TRIM14: variants seen among roughly 807,000 people sequenced by gnomAD.
TRIM14 encodes the protein tripartite motif containing 14.
A neutral mutation model predicts 44.5 loss-of-function variants in TRIM14; 28 were observed. The observed-to-expected ratio is 0.63, with a 90% CI of 0.47 to 0.86. TRIM14 has a LOEUF of 0.86. TRIM14 is among the 40% of genes least tolerant of loss of function. The pLI, the probability that TRIM14 is intolerant of heterozygous loss-of-function variation, is 0.00. For missense variants in TRIM14, 607 were observed against 611.1 expected (o/e 0.99, Z 0.07); for synonymous variants, 299 against 269.2 (o/e 1.11, Z -1.08).
the TRIM14 span, among the ~76,000 whole-genome samples, chr9:98,063,345 T>G: frequency 0.02 from 2,996 of 152,158 alleles, 106 homozygotes; most frequent in African/African-American, 0.069. Flanking sequence ...AGGTTCAAGT[T>G]ATTCTCATGG....
chr9:98,090,164 C>G (rs907247914), intron 5 of TRIM14, among the ~76,000 whole-genome samples: 4 of 152,022 alleles, frequency 2.6e-5, no homozygotes, highest in Non-Finnish European at 4.4e-5. Context: ...GAATAAAGAT[C>G]GGGGAAATGA....
Position 98,070,371 on chromosome 9 carries a change from G to A in TRIM14, c.*29-684C>T, listed in dbSNP as rs189867989. On this transcript the variant is annotated intron_variant, in intron 6 of 6. Coordinates refer to the TRIM14 transcript ENST00000375098. ...GACCTCAGGTGATCTGCCTGCCTCA[G>A]CCTCCCAAAGTGCTGGGATTGCAGG... Among the ~76,000 whole-genome samples, 28 of 152,008 alleles carry A rather than the reference G, an allele frequency of 1.8e-4. 1 individual carries two copies. The East Asian group carries it at 4.7e-3, about 25-fold the overall frequency.
intron 1 of TRIM14, among the ~76,000 whole-genome samples, chr9:98,112,755 G>A (rs371320044): frequency 4.0e-4 from 56 of 139,156 alleles, no homozygotes; most frequent in African/African-American, 1.4e-3. Context: ...CAGAGATTGC[G>A]CCATTGCACT....
intron 5 of TRIM14, among the ~76,000 whole-genome samples, chr9:98,090,200 C>T (rs1825944654): frequency 6.6e-6 from 1 of 152,152 alleles, no homozygotes; most frequent in Non-Finnish European, 1.5e-5. Context: ...AGGTGACATG[C>T]TTATTTACAC....
the TRIM14 span, among the ~76,000 whole-genome samples, chr9:98,049,984 T>C: frequency 1.3e-5 from 2 of 152,194 alleles, no homozygotes; most frequent in Admixed American, 6.5e-5. Flanking sequence ...GAGACTCCAG[T>C]GCAGCTTTGT....
Position 98,095,178 on chromosome 9 carries a change from G to T in TRIM14, c.538-149C>A. On this transcript the variant is annotated intron_variant, in intron 3 of 5. Coordinates refer to ENST00000341469, the MANE Select transcript of TRIM14 (RefSeq NM_014788.4). The surrounding 1 kb of genome is among the most constrained non-coding windows in gnomAD (Gnocchi z 4.1). ...TGGTCAGCCCAGGCCATGCCTGCAG[G>T]AGCAGAGCCCTGGAGAGACCATACG... 2 of 1,027,850 alleles carry T rather than the reference G, an allele frequency of 1.9e-6. No individual in the cohort carries two copies. The highest frequency in any genetic ancestry group is 2.8e-6 in the Non-Finnish European group (2 of 726,032). The allele number at this position is 1,027,850 out of a possible 1,614,324, so 63.7% of individuals were successfully genotyped here.
Position 98,095,710 on chromosome 9 carries a change from C to G in TRIM14, c.538-681G>C, listed in dbSNP as rs143502760. Among the ~76,000 whole-genome samples, 200 of 152,302 alleles carry G rather than the reference C, an allele frequency of 1.3e-3. No individual in the cohort carries two copies. Among genetic ancestry groups the G allele is most frequent in the African/African-American group, 4.6e-3 (192 of 41,576 alleles). ...CTGCAGGAGTGTGACCAGACGCCTC[C>G]AAGCCAAAGCGTGGATTTGGAAATG... On this transcript the variant is annotated intron_variant, in intron 3 of 5. Transcript: ENST00000341469. This position sits in a 1 kb window ranked among gnomAD's most constrained non-coding sequence, Gnocchi z 4.1.
At chr9:98,077,929 G>C (rs1829663255) in intron 6 of TRIM14, 1 of 495,996 alleles carries the variant, frequency 2.0e-6, no homozygotes, top group Admixed American at 3.4e-5. Context: ...TTTTCCTCTT[G>C]GCAGTGTGAA....
chr9:98,101,003 G>T (rs1459464860), intron 2 of TRIM14, among the ~76,000 whole-genome samples: 3 of 152,042 alleles, frequency 2.0e-5, no homozygotes, highest in Non-Finnish European at 2.9e-5. Flanking sequence ...TTTTGAGAAG[G>T]AGTTTCACTC....
At position 98,119,011 on chromosome 9, in the gene TRIM14, G is replaced by C. The variant is rs1329896261; in HGVS notation, c.178C>G (p.Leu60Val). 6.4e-7 allele frequency: 1 copy of C among 1,564,762 alleles called. No individual in the cohort carries two copies. Among genetic ancestry groups the C allele is most frequent in the Admixed American group, 1.8e-5 (1 of 56,358 alleles). Residue 60 changes from leucine to valine, a missense_variant, in exon 1 of 6, where the codon CTG becomes GTG. Leu to Val is a conservative substitution (Grantham distance 32). Coordinates refer to ENST00000341469, the MANE Select transcript of TRIM14 (RefSeq NM_014788.4). ...LGAHRGHPVG[L>V]ALEAAVHVQK... Reference sequence around the variant, plus strand: ...ACGTGCACCGCTGCCTCCAGCGCCAGGCCCACAGGGTGGCCACGGTGCGCG... The same window carrying C: ...ACGTGCACCGCTGCCTCCAGCGCCACGCCCACAGGGTGGCCACGGTGCGCG...
At chr9:98,081,373 C>A, downstream of TRIM14, 1 of 417,710 alleles carries the variant, frequency 2.4e-6, no homozygotes, top group Non-Finnish European at 4.3e-6. Flanking sequence ...CCCAGTACTC[C>A]TAGACTCCAG....
downstream of TRIM14, among the ~76,000 whole-genome samples, chr9:98,084,026 A>G (rs1405347237): frequency 1.3e-5 from 2 of 152,234 alleles, no homozygotes; most frequent in Non-Finnish European, 2.9e-5. Context: ...AAGGAATAAG[A>G]TATGAGTAAA....
chr9:98,052,570 T>C, the TRIM14 span, among the ~76,000 whole-genome samples: 2 of 152,194 alleles, frequency 1.3e-5, no homozygotes, highest in African/African-American at 4.8e-5. Flanking sequence ...TGCAATGGCA[T>C]GATCTCGGCT....
intron 2 of TRIM14, among the ~76,000 whole-genome samples, chr9:98,106,046 A>G (rs1313495915): frequency 6.6e-6 from 1 of 152,014 alleles, no homozygotes; most frequent in Admixed American, 6.6e-5. Context: ...AGCTACTGAA[A>G]CTCTTAGCAT....
intron 1 of TRIM14, among the ~76,000 whole-genome samples, chr9:98,117,363 T>C (rs889433153): frequency 1.3e-5 from 2 of 152,258 alleles, no homozygotes; most frequent in Middle Eastern, 3.4e-3. Flanking sequence ...GGTGGCGTGA[T>C]CTCGGCTCAT....
At chr9:98,074,481 C>T (rs180912009) in intron 6 of TRIM14, among the ~76,000 whole-genome samples, 46 of 152,294 alleles carry the variant, frequency 3.0e-4, no homozygotes, top group Middle Eastern at 3.4e-3. Flanking sequence ...GCGATACTGT[C>T]TTAGGGCTGA....
chr9:98,042,961 CT>C, the TRIM14 span, among the ~76,000 whole-genome samples: 1 of 151,814 alleles, frequency 6.6e-6, no homozygotes, highest in Non-Finnish European at 1.5e-5. Flanking sequence ...GATTTAAGCA[CT>C]TTTATTTTTC....
At chr9:98,048,266 C>A in the TRIM14 span, among the ~76,000 whole-genome samples, 2 of 152,088 alleles carry the variant, frequency 1.3e-5, no homozygotes, top group Non-Finnish European at 2.9e-5. Context: ...AAAAATGAAA[C>A]CCTTAATATT....
chr9:98,054,852 T>G, the TRIM14 span, among the ~76,000 whole-genome samples: 1 of 152,192 alleles, frequency 6.6e-6, no homozygotes, highest in Non-Finnish European at 1.5e-5. Context: ...AATTTTTAAC[T>G]GCTCAACTGG....
Sources: gnomAD v4.1 joint callset for allele counts (sites outside exome capture counted in the v4.1 genomes callset) on GRCh38, gnomAD v4.1.1 for gene constraint, Gnocchi (gnomAD v3.1) non-coding constraint, MANE v1.5 for transcripts, NCBI Gene and HGNC (gene_info 2026-07-23, HGNC 2026-07-21) for gene names.